CTBP2: variants seen among roughly 807,000 people sequenced by gnomAD.
The protein encoded by CTBP2 is C-terminal binding protein 2.
A neutral mutation model predicts 80.3 loss-of-function variants in CTBP2; 30 were observed. That is an observed-to-expected ratio of 0.37 (90% CI 0.28 to 0.51). The LOEUF is 0.51. Among genes scored for constraint, CTBP2 ranks in the 20% least tolerant of loss-of-function variants. The pLI, the probability that CTBP2 is intolerant of heterozygous loss-of-function variation, is 0.93. For missense variants in CTBP2, 1,212 were observed against 1,375.3 expected, an observed-to-expected ratio of 0.88 and a Z score of 1.88; for synonymous variants, 594 against 587.4, an observed-to-expected ratio of 1.01 and a Z score of -0.16.
rs372118432 is a variant in CTBP2, at chr10:125,026,590, A to AGCCGCAGGCTGGGGCTGCAGG, written c.1169_1170insCCTGCAGCCCCAGCCTGCGGC (p.Ala390_Pro391insLeuGlnProGlnProAlaAla). 199,892 of 1,559,598 alleles carry AGCCGCAGGCTGGGGCTGCAGG rather than the reference A, an allele frequency of 0.13. 14,033 individuals are homozygous for AGCCGCAGGCTGGGGCTGCAGG. The highest frequency in any genetic ancestry group is 0.28 in the Admixed American group (14,315 of 51,488). On this transcript the variant is annotated inframe_insertion, in exon 1 of 9. Coordinates refer to ENST00000309035, the MANE Select transcript of CTBP2 (RefSeq NM_022802.3). ...CTCGGGGGGATGCTGTCTGCAGAGGAGCCGCAGCGCCCAGAGAAGCCAAGT... is the reference window on the plus strand; with the variant it reads ...CTCGGGGGGATGCTGTCTGCAGAGGAGCCGCAGGCTGGGGCTGCAGGGCCGCAGCGCCCAGAGAAGCCAAGT...
At chr10:125,002,420 T>C (rs61565550) in intron 3 of CTBP2, among the ~76,000 whole-genome samples, 1,601 of 152,330 alleles carry the variant, frequency 0.011, 24 homozygotes, top group African/African-American at 0.036. Context: ...CCTCTGCTTT[T>C]CTTCGGAAGC....
intron 2 of CTBP2, among the ~76,000 whole-genome samples, chr10:125,040,263 TG>T (rs1391222779): frequency 6.6e-6 from 1 of 152,064 alleles, no homozygotes; most frequent in African/African-American, 2.4e-5. Context: ...GAGACCAGCC[TG>T]GCCAACATGG....
At chr10:125,070,421 G>A (rs1024913924) in intron 2 of CTBP2, among the ~76,000 whole-genome samples, 1 of 152,058 alleles carries the variant, frequency 6.6e-6, no homozygotes, top group East Asian at 1.9e-4. Context: ...GCCAGGTGGG[G>A]TGGCTCATGC....
At chr10:125,105,934 CCCTT>C (rs1851381729) in intron 2 of CTBP2, among the ~76,000 whole-genome samples, 1 of 152,204 alleles carries the variant, frequency 6.6e-6, no homozygotes, top group Non-Finnish European at 1.5e-5. Flanking sequence ...CACCACCACT[CCCTT>C]CAACAAGTGA....
At chr10:125,018,545 A>AACC (rs879504976) in intron 1 of CTBP2, among the ~76,000 whole-genome samples, 27 of 122,960 alleles carry the variant, frequency 2.2e-4, no homozygotes, top group African/African-American at 7.6e-4. Context: ...AGACCAAACC[A>AACC]AACCAACCAA....
At chr10:125,047,035 T>C (rs1287207142) in intron 2 of CTBP2, among the ~76,000 whole-genome samples, 1 of 152,222 alleles carries the variant, frequency 6.6e-6, no homozygotes. Flanking sequence ...TTGGTCTTTG[T>C]TGCTAAAGAA....
chr10:125,085,578 G>C (rs1215784260), intron 2 of CTBP2, among the ~76,000 whole-genome samples: 1 of 152,172 alleles, frequency 6.6e-6, no homozygotes, highest in Non-Finnish European at 1.5e-5. Flanking sequence ...CAGAAACGAG[G>C]GCGAAGAACC....
rs150715115 is a variant in CTBP2, at chr10:125,051,220, C to T, written c.-101-12065G>A. ...CCCCACCCCAGACACCATTCGAAAA[C>T]GGTACATGGAGACCCTTAGGGAAAG... On this transcript the variant is annotated intron_variant, in intron 2 of 10. Coordinates refer to the CTBP2 transcript ENST00000337195. Among the ~76,000 whole-genome samples, 231 of 152,298 alleles carry T rather than the reference C, an allele frequency of 1.5e-3. 3 individuals are homozygous for T. Among genetic ancestry groups the T allele is most frequent in the Admixed American group, 5.0e-3 (77 of 15,304 alleles).
In CTBP2 at chr10:124,989,499, T is replaced by C. The variant is rs753746171; in HGVS notation, c.*19A>G. On this transcript the variant is annotated 3_prime_UTR_variant, in exon 9 of 9. Coordinates refer to ENST00000309035, the MANE Select transcript of CTBP2 (RefSeq NM_022802.3). ...TTGGTCCCAAGTGTATCTGAGTGAT[T>C]ACCTTCTGGCATTCTCTGCTATTGC... 3 of 1,609,862 alleles carry C rather than the reference T, an allele frequency of 1.9e-6. No individual in the cohort carries two copies. The highest frequency in any genetic ancestry group is 2.5e-6 in the Non-Finnish European group (3 of 1,177,854).
In CTBP2 at chr10:125,003,384, G is replaced by A; in HGVS notation, c.1787C>T (p.Thr596Ile). 6.2e-7 allele frequency: 1 copy of A among 1,609,064 alleles called. No individual in the cohort carries two copies. Among genetic ancestry groups the A allele is most frequent in the Non-Finnish European group, 8.5e-7 (1 of 1,178,956 alleles). Residue 596 changes from threonine to isoleucine, a missense_variant, in exon 2 of 9, where the codon ACT becomes ATT. Physicochemically the swap from Thr to Ile is moderately conservative, Grantham distance 89 (BLOSUM62 -1). Around this residue, in one of 3 missense-constraint regions of CTBP2, gnomAD observed 29 missense variants for 88.3 expected, o/e 0.33. Transcript: ENST00000309035. ...CGACTGCGCGTCACAGAAGGCCACAGTGGCCAGGTCCTTCAGGATGGGCAT... is the reference window on the plus strand; with the variant it reads ...CGACTGCGCGTCACAGAAGGCCACAATGGCCAGGTCCTTCAGGATGGGCAT...
intron 2 of CTBP2, among the ~76,000 whole-genome samples, chr10:125,059,474 C>T (rs200608926): frequency 3.3e-5 from 5 of 151,924 alleles, no homozygotes; most frequent in East Asian, 1.9e-4. Context: ...CCCAGCTACT[C>T]GGGAGGCTGA....
chr10:125,055,517 C>T (rs1433778819), intron 2 of CTBP2, among the ~76,000 whole-genome samples: 1 of 152,140 alleles, frequency 6.6e-6, no homozygotes, highest in Non-Finnish European at 1.5e-5. Context: ...CACTCCTAGT[C>T]CTATGTCCTT....
chr10:125,159,919 G>A, intron 1 of CTBP2: 1 of 153,486 alleles, frequency 6.5e-6, no homozygotes, highest in Non-Finnish European at 1.4e-5. Flanking sequence ...CGCCGCCGCC[G>A]CCGCCGCTGC....
chr10:125,092,434 C>T (rs1350306081), intron 2 of CTBP2, among the ~76,000 whole-genome samples: 1 of 152,046 alleles, frequency 6.6e-6, no homozygotes, highest in Non-Finnish European at 1.5e-5. Context: ...ATCCTGCCTC[C>T]ACCTCCCAAA....
intron 8 of CTBP2, among the ~76,000 whole-genome samples, chr10:124,990,323 G>A (rs1358724784): frequency 4.6e-5 from 7 of 152,124 alleles, no homozygotes; most frequent in South Asian, 4.1e-4. Flanking sequence ...GATTACAGGC[G>A]TGAGCCACCA....
intron 2 of CTBP2, among the ~76,000 whole-genome samples, chr10:125,093,618 G>A (rs568032266): frequency 1.4e-4 from 21 of 152,146 alleles, no homozygotes; most frequent in African/African-American, 4.3e-4. Flanking sequence ...CCCTTCTTTC[G>A]ACACAGCTGG....
intron 1 of CTBP2, chr10:125,026,051 CCAGGCAGGG>C: frequency 6.5e-7 from 1 of 1,535,574 alleles, no homozygotes; most frequent in East Asian, 2.3e-5. Flanking sequence ...CCCCAGGTCC[CCAGGCAGGG>C]CAGGCGGGGA....
chr10:125,123,739 C>G (rs1186495246), intron 1 of CTBP2, among the ~76,000 whole-genome samples: 1 of 152,200 alleles, frequency 6.6e-6, no homozygotes, highest in African/African-American at 2.4e-5. Flanking sequence ...ATTCCTGAAC[C>G]CTGACCTTCT....
chr10:125,155,762 A>C (rs950630115), intron 1 of CTBP2, among the ~76,000 whole-genome samples: 6 of 152,206 alleles, frequency 3.9e-5, no homozygotes, highest in African/African-American at 1.4e-4. Flanking sequence ...TAACTTCAAA[A>C]GATGAGGTGG....
Sources: gnomAD v4.1 joint callset for allele counts (sites outside exome capture counted in the v4.1 genomes callset) on GRCh38, gnomAD v4.1.1 for gene constraint, gnomAD v4.1.1 regional missense constraint, MANE v1.5 for transcripts, NCBI Gene and HGNC (gene_info 2026-07-23, HGNC 2026-07-21) for gene names.